Variants in GSDMC observed in about 807,000 individuals in gnomAD.
The protein encoded by GSDMC is gasdermin C.
GSDMC carries 59 observed loss-of-function variants against 58.0 expected under a neutral mutation model. The observed-to-expected ratio is 1.02, with a 90% CI of 0.82 to 1.26. The LOEUF is 1.26. Ranked by LOEUF, GSDMC falls within the 50% of genes most tolerant of loss-of-function variation. The pLI is 0.00. For missense variants in GSDMC, 659 were observed against 598.5 expected (o/e 1.10, Z -1.06); for synonymous variants, 241 against 220.2 (o/e 1.09, Z -0.83).
chr8:129,766,158 C>A (rs1232818122), intron 3 of GSDMC, among the ~76,000 whole-genome samples: 2 of 152,118 alleles, frequency 1.3e-5, no homozygotes, highest in Non-Finnish European at 2.9e-5. Context: ...TTTAGGAGGT[C>A]CTGTTGTCAA....
At chr8:129,727,315 G>A in the GSDMC span, among the ~76,000 whole-genome samples, 1 of 152,134 alleles carries the variant, frequency 6.6e-6, no homozygotes. Flanking sequence ...TAGCAAGACA[G>A]TGCATAAAGA....
chr8:129,762,017 G>C (rs1344073738), intron 5 of GSDMC, among the ~76,000 whole-genome samples: 1 of 152,200 alleles, frequency 6.6e-6, no homozygotes, highest in East Asian at 1.9e-4. Context: ...CAAGGACTCT[G>C]AGAGCCAGTT....
chr8:129,746,539 A>C (rs567724250), downstream of GSDMC, among the ~76,000 whole-genome samples: 1 of 152,332 alleles, frequency 6.6e-6, no homozygotes, highest in East Asian at 1.9e-4. Flanking sequence ...TTATAAGAGG[A>C]AATTTTCCTG....
the GSDMC span, among the ~76,000 whole-genome samples, chr8:129,737,506 T>C: frequency 6.6e-6 from 1 of 152,208 alleles, no homozygotes; most frequent in African/African-American, 2.4e-5. Context: ...AACCTTCTGA[T>C]CTTTGACAAA....
At chr8:129,751,780 C>T (rs1048256831) in intron 9 of GSDMC, 82 bp downstream of exon 9, 32 of 1,422,232 alleles carry the variant, frequency 2.2e-5, no homozygotes, top group South Asian at 1.9e-4. Flanking sequence ...GTGGCAAAGG[C>T]GAGGCAGGGG....
At chr8:129,777,028 C>A (rs570497133) in intron 2 of GSDMC, among the ~76,000 whole-genome samples, 1 of 152,162 alleles carries the variant, frequency 6.6e-6, no homozygotes, top group East Asian at 1.9e-4. Flanking sequence ...CCTCGGTCTC[C>A]CAAAGCACTG....
intron 6 of GSDMC, among the ~76,000 whole-genome samples, chr8:129,754,086 G>A (rs955094746): frequency 2.0e-5 from 3 of 152,212 alleles, no homozygotes; most frequent in Non-Finnish European, 2.9e-5. Flanking sequence ...CTGCTCTGAC[G>A]GGAAGTGAAA....
chr8:129,722,514 A>G, the GSDMC span, among the ~76,000 whole-genome samples: 1 of 152,154 alleles, frequency 6.6e-6, no homozygotes, highest in South Asian at 2.1e-4. Flanking sequence ...TATTTCACCT[A>G]CTGGAGTCCT....
At chr8:129,714,797 A>G in the GSDMC span, among the ~76,000 whole-genome samples, 1 of 152,218 alleles carries the variant, frequency 6.6e-6, no homozygotes, top group Admixed American at 6.5e-5. Context: ...AAGAGGAATT[A>G]TATCAAAAGG....
At chr8:129,731,658 A>G in the GSDMC span, among the ~76,000 whole-genome samples, 2 of 152,126 alleles carry the variant, frequency 1.3e-5, no homozygotes, top group African/African-American at 4.8e-5. Flanking sequence ...CAGCCCTTCA[A>G]CTGACTGGAT....
In GSDMC at chr8:129,776,208, C is replaced by G; in HGVS notation, c.298G>C (p.Gly100Arg). 1 of 1,613,616 alleles carries G rather than the reference C, an allele frequency of 6.2e-7. No individual in the cohort carries two copies. The highest frequency in any genetic ancestry group is 8.5e-7 in the Non-Finnish European group (1 of 1,179,582). Residue 100 changes from glycine (G) to arginine (R), a missense_variant, in exon 3 of 14, where the codon GGT becomes CGT. Gly to Arg is a moderately radical substitution (Grantham distance 125). Coordinates refer to ENST00000276708, the MANE Select transcript of GSDMC (RefSeq NM_031415.3). ...TCCCCTGACACACTCACTTCTATAC[C>G]AACATTCACACCCATGTCAGCCTTA... ...KHKADMGVNV[G>R]IEVSVSGEAS...
At chr8:129,707,393 C>A in the GSDMC span, among the ~76,000 whole-genome samples, 1 of 151,980 alleles carries the variant, frequency 6.6e-6, no homozygotes, top group Non-Finnish European at 1.5e-5. Context: ...TTTTTTCTTC[C>A]TTTCATGGTT....
chr8:129,769,223 G>A (rs1367518524), intron 3 of GSDMC, among the ~76,000 whole-genome samples: 6 of 152,068 alleles, frequency 3.9e-5, no homozygotes, highest in Non-Finnish European at 7.4e-5. Flanking sequence ...ACCAAGACAC[G>A]TTATAATTAA....
intron 3 of GSDMC, among the ~76,000 whole-genome samples, chr8:129,771,118 AATG>A (rs1373482343): frequency 1.3e-5 from 2 of 151,644 alleles, no homozygotes; most frequent in African/African-American, 4.8e-5. Flanking sequence ...GCCATTATAT[AATG>A]ATACTACTAT....
At chr8:129,767,318 C>T (rs768499771) in intron 3 of GSDMC, among the ~76,000 whole-genome samples, 5 of 152,320 alleles carry the variant, frequency 3.3e-5, no homozygotes, top group Middle Eastern at 3.4e-3. Flanking sequence ...AGCAACCACA[C>T]CTAACTGCAG....
chr8:129,768,463 A>T (rs1044414941), intron 3 of GSDMC, among the ~76,000 whole-genome samples: 1 of 152,246 alleles, frequency 6.6e-6, no homozygotes, highest in Admixed American at 6.5e-5. Flanking sequence ...ATACAGATAG[A>T]CAACTAAACA....
At chr8:129,769,724 A>G (rs76042815) in intron 3 of GSDMC, among the ~76,000 whole-genome samples, 1,540 of 152,096 alleles carry the variant, frequency 0.01, 29 homozygotes, top group African/African-American at 0.034. Flanking sequence ...TACTGTTACA[A>G]TGGCAACTAA....
the GSDMC span, among the ~76,000 whole-genome samples, chr8:129,719,189 A>C: frequency 1.3e-5 from 2 of 152,078 alleles, no homozygotes; most frequent in African/African-American, 2.4e-5. Context: ...AAATAATAAC[A>C]AAAAAAATCT....
At chr8:129,711,747 C>G in the GSDMC span, among the ~76,000 whole-genome samples, 5 of 152,196 alleles carry the variant, frequency 3.3e-5, no homozygotes, top group African/African-American at 1.2e-4. Context: ...AGGCACTGTT[C>G]TAAATGTTTT....
Sources: allele counts gnomAD v4.1 joint callset (sites outside exome capture counted in the v4.1 genomes callset), GRCh38; gene constraint gnomAD v4.1.1; transcripts MANE v1.5; gene names NCBI Gene and HGNC (gene_info 2026-07-23, HGNC 2026-07-21).